PHACTR3: variants seen among roughly 807,000 people sequenced by gnomAD.
PHACTR3 encodes the protein protein phosphatase 1, regulatory subunit 123.
Under a neutral mutation model 66.8 loss-of-function variants are expected in PHACTR3, and 16 were observed. That is an observed-to-expected ratio of 0.24 (90% CI 0.16 to 0.36). PHACTR3 has a LOEUF of 0.36. Ranked by LOEUF, PHACTR3 falls within the 10% of genes least tolerant of loss-of-function variation. The pLI, the probability that PHACTR3 is intolerant of heterozygous loss-of-function variation, is 1.00. For synonymous variants in PHACTR3, 323 were observed against 292.1 expected, an observed-to-expected ratio of 1.11 and a Z score of -1.08; for missense variants, 647 against 719.9, an observed-to-expected ratio of 0.90 and a Z score of 1.16.
chr20:59,654,069 T>C (rs1360180206), intron 1 of PHACTR3, among the ~76,000 whole-genome samples: 3 of 152,174 alleles, frequency 2.0e-5, no homozygotes, highest in African/African-American at 7.2e-5. Flanking sequence ...CTAAGAGGAA[T>C]TGCTTAATAC....
At chr20:59,668,051 CAGAT>C (rs1568690362) in intron 1 of PHACTR3, among the ~76,000 whole-genome samples, 2 of 151,962 alleles carry the variant, frequency 1.3e-5, no homozygotes, top group East Asian at 3.9e-4. Context: ...CACCTGTACA[CAGAT>C]AGAGGTGGGC....
chr20:59,720,119 C>T (rs973923399), intron 1 of PHACTR3, among the ~76,000 whole-genome samples: 5 of 152,108 alleles, frequency 3.3e-5, no homozygotes, highest in African/African-American at 7.2e-5. Flanking sequence ...GAAGGGGCAC[C>T]GTGACCAGTT....
intron 1 of PHACTR3, among the ~76,000 whole-genome samples, chr20:59,681,028 G>T (rs181697418): frequency 6.6e-6 from 1 of 152,352 alleles, no homozygotes; most frequent in East Asian, 1.9e-4. Context: ...GTTGAATTAT[G>T]CCAGTTATTG....
intron 1 of PHACTR3, among the ~76,000 whole-genome samples, chr20:59,645,335 T>C (rs2035247789): frequency 6.6e-6 from 1 of 151,900 alleles, no homozygotes; most frequent in African/African-American, 2.4e-5. Flanking sequence ...TCAGTATTTT[T>C]AGAATGAACA....
At chr20:59,743,554 C>T (rs187475651) in intron 2 of PHACTR3, among the ~76,000 whole-genome samples, 10 of 152,322 alleles carry the variant, frequency 6.6e-5, no homozygotes, top group East Asian at 3.9e-4. Flanking sequence ...TTGTTAAAAA[C>T]GAAGCCTCTG....
At chr20:59,838,553 T>C (rs534114646) in intron 9 of PHACTR3, among the ~76,000 whole-genome samples, 3 of 152,250 alleles carry the variant, frequency 2.0e-5, no homozygotes, top group Non-Finnish European at 4.4e-5. Context: ...GTACTTGGTA[T>C]ATATTCCCTC....
intron 1 of PHACTR3, among the ~76,000 whole-genome samples, chr20:59,616,126 C>A (rs1017621102): frequency 6.6e-6 from 1 of 152,090 alleles, no homozygotes; most frequent in Non-Finnish European, 1.5e-5. Flanking sequence ...CCACAGTTTT[C>A]CCATCTGCAG....
At chr20:59,790,003 T>C (rs2041039536) in intron 7 of PHACTR3, among the ~76,000 whole-genome samples, 1 of 152,252 alleles carries the variant, frequency 6.6e-6, no homozygotes, top group Admixed American at 6.5e-5. Context: ...ATTATGTCCT[T>C]AGGATAAATT....
upstream of PHACTR3, among the ~76,000 whole-genome samples, chr20:59,604,302 G>T (rs1403998182): frequency 1.3e-5 from 2 of 152,150 alleles, no homozygotes; most frequent in Non-Finnish European, 2.9e-5. Flanking sequence ...CTCCGGGAGG[G>T]GAGGAAACGG....
chr20:59,741,621 G>C (rs547852043), intron 1 of PHACTR3, among the ~76,000 whole-genome samples: 1 of 152,312 alleles, frequency 6.6e-6, no homozygotes, highest in South Asian at 2.1e-4. Context: ...CATTTTGTTA[G>C]TTGCATTTTG....
intron 3 of PHACTR3, among the ~76,000 whole-genome samples, chr20:59,749,091 C>T (rs748345946): frequency 3.9e-5 from 6 of 152,138 alleles, no homozygotes; most frequent in East Asian, 1.9e-4. Flanking sequence ...TGTCAAGTCC[C>T]GTGGCACTCA....
intron 1 of PHACTR3, among the ~76,000 whole-genome samples, chr20:59,688,306 G>A (rs777970492): frequency 7.2e-5 from 11 of 152,208 alleles, no homozygotes; most frequent in Non-Finnish European, 1.3e-4. Flanking sequence ...AGGCAGGATA[G>A]AGGAGTGAGA....
At chr20:59,668,335 C>T (rs1046862120) in intron 1 of PHACTR3, among the ~76,000 whole-genome samples, 12 of 151,792 alleles carry the variant, frequency 7.9e-5, no homozygotes, top group African/African-American at 2.2e-4. Flanking sequence ...TAGAGGTGGG[C>T]ACGTACGCCT....
chr20:59,633,161 G>A (rs1393111955), intron 1 of PHACTR3, among the ~76,000 whole-genome samples: 3 of 152,104 alleles, frequency 2.0e-5, no homozygotes, highest in Non-Finnish European at 4.4e-5. Flanking sequence ...GTGAAAGTAG[G>A]GTTTTGAAAT....
chr20:59,720,996 AT>A (rs1194774005), intron 1 of PHACTR3, among the ~76,000 whole-genome samples: 3 of 152,134 alleles, frequency 2.0e-5, no homozygotes, highest in Non-Finnish European at 4.4e-5. Flanking sequence ...GCTTAGAAAA[AT>A]GGATGATGGA....
At chr20:59,790,239 C>T (rs549266759) in intron 7 of PHACTR3, among the ~76,000 whole-genome samples, 3 of 152,166 alleles carry the variant, frequency 2.0e-5, no homozygotes, top group South Asian at 2.1e-4. Flanking sequence ...AATCTTAGTA[C>T]CCATTAGTTA....
chr20:59,606,582 G>T (rs534886966), intron 1 of PHACTR3, among the ~76,000 whole-genome samples: 1 of 152,184 alleles, frequency 6.6e-6, no homozygotes, highest in East Asian at 1.9e-4. Flanking sequence ...TTGGAGAGGC[G>T]CATCCACAAC....
intron 1 of PHACTR3, among the ~76,000 whole-genome samples, chr20:59,694,627 G>A (rs917008878): frequency 7.9e-5 from 12 of 152,180 alleles, no homozygotes; most frequent in African/African-American, 2.9e-4. Flanking sequence ...TATGGGGCAA[G>A]GCACTGGCCT....
At chr20:59,652,025 G>A (rs2035476326) in intron 1 of PHACTR3, among the ~76,000 whole-genome samples, 1 of 152,178 alleles carries the variant, frequency 6.6e-6, no homozygotes, top group Admixed American at 6.5e-5. Context: ...TGTAATTCTA[G>A]TCTGAGTCTG....
Sources: allele counts gnomAD v4.1 joint callset (sites outside exome capture counted in the v4.1 genomes callset), GRCh38; gene constraint gnomAD v4.1.1; transcripts MANE v1.5; gene names NCBI Gene and HGNC (gene_info 2026-07-23, HGNC 2026-07-21).